Variants in TCF7L2 observed in about 807,000 individuals in gnomAD.
TCF7L2 encodes transcription factor 7 like 2, also known as transcription factor 7-like 2.
TCF7L2 carries 23 observed loss-of-function variants against 77.9 expected under a neutral mutation model. The observed-to-expected ratio is 0.30, with a 90% CI of 0.21 to 0.42. The LOEUF is 0.42. Among genes scored for constraint, TCF7L2 ranks in the 10% least tolerant of loss-of-function variants. TCF7L2 has a pLI of 1.00. For missense variants in TCF7L2, 654 were observed against 793.1 expected (o/e 0.82, Z 2.11); for synonymous variants, 413 against 340.2 (o/e 1.21, Z -2.36).
intron 4 of TCF7L2, among the ~76,000 whole-genome samples, chr10:112,995,516 C>A (rs1262185833): frequency 6.6e-6 from 1 of 152,118 alleles, no homozygotes; most frequent in Admixed American, 6.5e-5. Flanking sequence ...GTGGGAGACC[C>A]TGAACTGTGC....
rs2137363885 is a variant in TCF7L2 at position 113,158,054 on chromosome 10, C to T, written c.1303C>T (p.Pro435Ser). ...GAAGAAGAGGAAAAGGGACAAGCAGCCGGGAGAGACCAATGGTAAGTGACA... is the reference window on the plus strand; with the variant it reads ...GAAGAAGAGGAAAAGGGACAAGCAGTCGGGAGAGACCAATGGTAAGTGACA... Residue 435 changes from proline to serine, a missense_variant, in exon 12 of 14, where the codon CCG (proline) becomes TCG (serine). By Grantham distance (74) the Pro-to-Ser change is moderately conservative (BLOSUM62 -1). Around this residue, in one of 6 missense-constraint regions of TCF7L2, gnomAD observed 272 missense variants for 215.4 expected, o/e 1.26. Transcript: ENST00000627217. 1 of 1,598,040 alleles carries T rather than the reference C, an allele frequency of 6.3e-7. No individual in the cohort carries two copies. Among genetic ancestry groups the T allele is most frequent in the Non-Finnish European group, 8.5e-7 (1 of 1,171,452 alleles).
intron 4 of TCF7L2, among the ~76,000 whole-genome samples, chr10:112,999,360 C>T (rs918007786): frequency 2.6e-5 from 4 of 152,242 alleles, no homozygotes; most frequent in South Asian, 2.1e-4. Context: ...GCGCACTAGG[C>T]GTTGGGCCTG....
intron 5 of TCF7L2, among the ~76,000 whole-genome samples, chr10:113,120,456 T>A (rs1474068028): frequency 1.3e-5 from 2 of 152,198 alleles, no homozygotes; most frequent in Non-Finnish European, 2.9e-5. Flanking sequence ...TTGGTACTGG[T>A]AGAGTATCTT....
chr10:113,113,329 A>G (rs2063351590), intron 5 of TCF7L2, among the ~76,000 whole-genome samples: 2 of 152,204 alleles, frequency 1.3e-5, no homozygotes, highest in African/African-American at 4.8e-5. Context: ...TCAACAACTT[A>G]TAACTTACCA....
At chr10:112,968,739 C>T (rs990012200) in intron 4 of TCF7L2, among the ~76,000 whole-genome samples, 37 of 152,064 alleles carry the variant, frequency 2.4e-4, no homozygotes, top group African/African-American at 2.2e-4. Context: ...CCACCACGTT[C>T]GGCTCATTTT....
chr10:112,950,747 T>TG lies in TCF7L2; in HGVS notation c.-9dup, dbSNP rs908403638. The TG allele has an allele frequency of 6.5e-7, 1 of 1,547,542 alleles. No homozygotes were observed. Among genetic ancestry groups the TG allele is most frequent in the African/African-American group, 1.4e-5 (1 of 71,898 alleles). On this transcript the variant is annotated 5_prime_UTR_variant, in exon 1 of 14. Coordinates refer to ENST00000627217, the MANE Select transcript of TCF7L2 (RefSeq NM_001146274.2). ...TTCTTCCAAAATTGCTGCTGGTGGG[T>TG]GAAAAAAAAATGCCGCAGCTGAACG...
intron 8 of TCF7L2, among the ~76,000 whole-genome samples, chr10:113,146,823 C>A (rs1419765855): frequency 6.6e-6 from 1 of 152,058 alleles, no homozygotes; most frequent in Non-Finnish European, 1.5e-5. Context: ...TTTAGACTGG[C>A]CACATTTCAA....
intron 4 of TCF7L2, among the ~76,000 whole-genome samples, chr10:113,015,367 T>C (rs1346835254): frequency 6.6e-6 from 1 of 151,700 alleles, no homozygotes; most frequent in Non-Finnish European, 1.5e-5. Context: ...TGCCCCAGAA[T>C]GGAGGCGCAT....
chr10:113,060,754 A>G (rs1250434806), intron 5 of TCF7L2, among the ~76,000 whole-genome samples: 2 of 152,024 alleles, frequency 1.3e-5, no homozygotes, highest in Admixed American at 6.5e-5. Context: ...TGGAATGCCC[A>G]AAATACATAG....
chr10:112,962,090 A>G (rs181040415), intron 3 of TCF7L2, among the ~76,000 whole-genome samples: 224 of 152,288 alleles, frequency 1.5e-3, no homozygotes, highest in African/African-American at 4.9e-3. Context: ...ACAAGTGAAA[A>G]TTGAATTTGG....
chr10:113,010,285 A>G (rs938963703), intron 4 of TCF7L2, among the ~76,000 whole-genome samples: 1 of 152,070 alleles, frequency 6.6e-6, no homozygotes, highest in Non-Finnish European at 1.5e-5. Flanking sequence ...TCTTCTTCCT[A>G]TCATGTATTA....
At position 113,167,146 on chromosome 10, in the gene TCF7L2, A is replaced by C. The variant is rs2074075594; in HGVS notation, c.*1174A>C. ...TTTTTGTTCATCATGTTTTGCTGTG[A>C]TGTTACATAGGTAGATTTGTATGTA... On this transcript the variant is annotated 3_prime_UTR_variant, in exon 14 of 14. Transcript: ENST00000627217. The C allele has an allele frequency of 4.4e-6, 1 of 229,134 alleles. No individual in the cohort carries two copies. Among genetic ancestry groups the C allele is most frequent in the Admixed American group, 5.7e-5 (1 of 17,636 alleles). 14.2% of individuals were successfully genotyped at this position (229,134 alleles called of 1,614,324 possible).
chr10:112,993,017 C>T (rs903652437), intron 4 of TCF7L2, among the ~76,000 whole-genome samples: 1 of 151,926 alleles, frequency 6.6e-6, no homozygotes, highest in Non-Finnish European at 1.5e-5. Context: ...CCCGCCTCGG[C>T]CTCCGAAAGT....
chr10:113,121,443 C>CT (rs1034040170), intron 5 of TCF7L2, among the ~76,000 whole-genome samples: 1 of 152,188 alleles, frequency 6.6e-6, no homozygotes, highest in Non-Finnish European at 1.5e-5. Context: ...CTTTTCCCTC[C>CT]TTTTTTCCTG....
At chr10:112,964,742 G>GA in intron 4 of TCF7L2, 118 bp downstream of exon 4, 2 of 695,844 alleles carry the variant, frequency 2.9e-6, no homozygotes, top group Non-Finnish European at 4.4e-6. Flanking sequence ...GATGATGATG[G>GA]TGGTGGTGGT....
intron 8 of TCF7L2, among the ~76,000 whole-genome samples, chr10:113,147,960 T>C (rs1364798492): frequency 6.6e-6 from 1 of 152,092 alleles, no homozygotes; most frequent in Non-Finnish European, 1.5e-5. Context: ...GAAAGATAGC[T>C]AGTTAAAAAG....
chr10:113,060,009 G>A (rs371564270), intron 5 of TCF7L2, among the ~76,000 whole-genome samples: 3 of 152,196 alleles, frequency 2.0e-5, no homozygotes, highest in African/African-American at 7.2e-5. Flanking sequence ...TAGATTATCC[G>A]CCCCCGGTGG....
intron 5 of TCF7L2, among the ~76,000 whole-genome samples, chr10:113,044,274 C>A (rs943155793): frequency 5.9e-5 from 9 of 152,200 alleles, no homozygotes; most frequent in African/African-American, 2.2e-4. Flanking sequence ...GGTAGAACTT[C>A]AGAGAAAATC....
intron 5 of TCF7L2, among the ~76,000 whole-genome samples, chr10:113,140,491 G>A (rs1472265560): frequency 6.6e-6 from 1 of 152,078 alleles, no homozygotes; most frequent in Non-Finnish European, 1.5e-5. Flanking sequence ...TAGCGTTCCC[G>A]GATGACTTTC....
Sources: allele counts gnomAD v4.1 joint callset (sites outside exome capture counted in the v4.1 genomes callset), GRCh38; gene constraint gnomAD v4.1.1; regional missense constraint gnomAD v4.1.1; transcripts MANE v1.5; gene names NCBI Gene and HGNC (gene_info 2026-07-23, HGNC 2026-07-21).